Variants in CNBD1 observed in about 807,000 individuals in gnomAD.
CNBD1 encodes cyclic nucleotide-binding domain-containing protein 1.
A neutral mutation model predicts 54.4 loss-of-function variants in CNBD1; 71 were observed. The observed-to-expected ratio is 1.30, with a 90% confidence interval of 1.08 to 1.59. The LOEUF is 1.59. Among genes scored for constraint, CNBD1 ranks in the 40% most tolerant of loss-of-function variants. The pLI, the probability that CNBD1 is intolerant of heterozygous loss-of-function variation, is 0.00. For synonymous variants in CNBD1, 182 were observed against 170.7 expected, an observed-to-expected ratio of 1.07 and a Z score of -0.51; for missense variants, 659 against 518.0, an observed-to-expected ratio of 1.27 and a Z score of -2.64.
intron 10 of CNBD1, among the ~76,000 whole-genome samples, chr8:87,371,517 A>G (rs10091075): frequency 0.4 from 60,585 of 151,662 alleles, 12,361 homozygotes; most frequent in Middle Eastern, 0.46. Flanking sequence ...TACCAAAGCC[A>G]GGCAGAGACA....
At chr8:87,383,045 A>C (rs1209080166), downstream of CNBD1, among the ~76,000 whole-genome samples, 1 of 152,042 alleles carries the variant, frequency 6.6e-6, no homozygotes, top group East Asian at 1.9e-4. Context: ...TTGGGATTAA[A>C]AAAAATCTAT....
intron 2 of CNBD1, among the ~76,000 whole-genome samples, chr8:87,421,707 C>A (rs1807942587): frequency 6.6e-6 from 1 of 150,738 alleles, no homozygotes; most frequent in African/African-American, 2.4e-5. Flanking sequence ...CAAGTCTTTG[C>A]TATTGTGAAT....
intron 3 of CNBD1, among the ~76,000 whole-genome samples, chr8:86,907,819 G>A (rs569922453): frequency 6.6e-6 from 1 of 152,222 alleles, no homozygotes; most frequent in East Asian, 1.9e-4. Context: ...ATACCCTGAT[G>A]ATTGAAACTC....
At chr8:87,259,629 T>C (rs1390440143) in intron 6 of CNBD1, among the ~76,000 whole-genome samples, 2 of 152,162 alleles carry the variant, frequency 1.3e-5, no homozygotes, top group Admixed American at 6.6e-5. Flanking sequence ...ACAACACATA[T>C]GTAACTACAC....
At chr8:87,131,861 C>G (rs1252269939) in intron 4 of CNBD1, among the ~76,000 whole-genome samples, 2 of 151,980 alleles carry the variant, frequency 1.3e-5, no homozygotes, top group Non-Finnish European at 2.9e-5. Flanking sequence ...TATCACCTCT[C>G]TTCATTGAAA....
intron 4 of CNBD1, among the ~76,000 whole-genome samples, chr8:87,081,482 G>A (rs1459067353): frequency 2.0e-5 from 3 of 150,682 alleles, no homozygotes; most frequent in Non-Finnish European, 2.9e-5. Flanking sequence ...CTGTTATTGG[G>A]TGGACTATTT....
At chr8:87,311,018 A>G (rs1042053784) in intron 8 of CNBD1, among the ~76,000 whole-genome samples, 2 of 152,136 alleles carry the variant, frequency 1.3e-5, no homozygotes, top group African/African-American at 4.8e-5. Context: ...CCTAGGAAAC[A>G]GTATTGTGGA....
At chr8:87,228,284 T>G (rs1436886872) in intron 5 of CNBD1, among the ~76,000 whole-genome samples, 2 of 151,432 alleles carry the variant, frequency 1.3e-5, no homozygotes, top group South Asian at 2.1e-4. Flanking sequence ...TTGCTGGTGA[T>G]GAGCTGCATT....
chr8:86,913,531 C>T (rs995310478), intron 3 of CNBD1, among the ~76,000 whole-genome samples: 3 of 152,054 alleles, frequency 2.0e-5, no homozygotes, highest in Non-Finnish European at 4.4e-5. Flanking sequence ...CTGGGGGAGA[C>T]ATCACATGTC....
At chr8:86,981,906 A>C (rs903311890) in intron 4 of CNBD1, among the ~76,000 whole-genome samples, 1 of 152,138 alleles carries the variant, frequency 6.6e-6, no homozygotes, top group Non-Finnish European at 1.5e-5. Flanking sequence ...GTCTGTTCAC[A>C]GTTGTACTCT....
intron 4 of CNBD1, among the ~76,000 whole-genome samples, chr8:87,071,085 C>T (rs1456585594): frequency 6.6e-6 from 1 of 152,026 alleles, no homozygotes; most frequent in Non-Finnish European, 1.5e-5. Context: ...CAAAGAACTT[C>T]TGTGGAATGA....
chr8:87,261,529 CAA>C (rs34576530), intron 6 of CNBD1, among the ~76,000 whole-genome samples: 4,120 of 120,164 alleles, frequency 0.034, 136 homozygotes, highest in African/African-American at 0.097. Flanking sequence ...TATTTATAGA[CAA>C]AAAAAAAAAA....
At chr8:87,345,670 T>A (rs116953417) in intron 8 of CNBD1, among the ~76,000 whole-genome samples, 3,576 of 152,196 alleles carry the variant, frequency 0.023, 69 homozygotes, top group Non-Finnish European at 0.035. Flanking sequence ...GATTCGAAAC[T>A]GAACTAAGCA....
At chr8:87,154,131 C>T (rs1480357270) in intron 4 of CNBD1, among the ~76,000 whole-genome samples, 2 of 152,082 alleles carry the variant, frequency 1.3e-5, no homozygotes, top group African/African-American at 4.8e-5. Flanking sequence ...CAAATTCCTA[C>T]ATTTTTTCAA....
chr8:86,933,658 T>C (rs1809496071), intron 3 of CNBD1, among the ~76,000 whole-genome samples: 1 of 152,104 alleles, frequency 6.6e-6, no homozygotes, highest in African/African-American at 2.4e-5. Context: ...CCTAGAGAAA[T>C]AGTTGTACAG....
chr8:86,894,463 C>G (rs997564997), intron 2 of CNBD1, among the ~76,000 whole-genome samples: 3 of 152,144 alleles, frequency 2.0e-5, no homozygotes, highest in African/African-American at 7.2e-5. Context: ...CCCATATGAT[C>G]AATATCTTGC....
chr8:87,283,792 A>G (rs545918628), intron 6 of CNBD1, among the ~76,000 whole-genome samples: 95 of 152,184 alleles, frequency 6.2e-4, no homozygotes, highest in African/African-American at 2.2e-3. Context: ...TCTGAGTCCC[A>G]TCTCCTGTTC....
intron 2 of CNBD1, among the ~76,000 whole-genome samples, chr8:86,893,224 C>A: frequency 6.6e-6 from 1 of 152,090 alleles, no homozygotes; most frequent in East Asian, 1.9e-4. Flanking sequence ...CAAGGCATGC[C>A]TATTCATAAT....
intron 5 of CNBD1, among the ~76,000 whole-genome samples, chr8:87,212,331 G>A (rs1467856381): frequency 6.6e-6 from 1 of 151,968 alleles, no homozygotes; most frequent in Non-Finnish European, 1.5e-5. Context: ...AATACCAATT[G>A]TCTTTTTTTT....
Sources: allele counts gnomAD v4.1 joint callset (sites outside exome capture counted in the v4.1 genomes callset), GRCh38; gene constraint gnomAD v4.1.1; transcripts MANE v1.5; gene names NCBI Gene and HGNC (gene_info 2026-07-23, HGNC 2026-07-21).